The following ANXA4 variants were observed in gnomAD, a reference collection of about 807,000 sequenced individuals.
ANXA4 encodes the protein 35-beta calcimedin.
ANXA4 carries 39 observed loss-of-function variants against 49.8 expected under a neutral mutation model. The observed-to-expected ratio is 0.78, with a 90% CI of 0.61 to 1.02. ANXA4 has a LOEUF of 1.02. ANXA4 is among the 50% of genes least tolerant of loss of function. ANXA4 has a pLI of 0.00. For missense variants in ANXA4, 360 were observed against 410.1 expected, an observed-to-expected ratio of 0.88 and a Z score of 1.05; for synonymous variants, 134 against 152.5, an observed-to-expected ratio of 0.88 and a Z score of 0.89.
At chr2:69,810,876 T>C in intron 7 of ANXA4, 1 of 568,206 alleles carries the variant, frequency 1.8e-6, no homozygotes, top group Non-Finnish European at 3.2e-6. Context: ...TAATTTGATA[T>C]TTACAAGTAC....
chr2:69,659,855 T>C (rs1464793225), intron 2 of ANXA4, among the ~76,000 whole-genome samples: 1 of 152,148 alleles, frequency 6.6e-6, no homozygotes, highest in Non-Finnish European at 1.5e-5. Context: ...ACCATTGCAA[T>C]TGCTGGTGGC....
At chr2:69,767,299 G>C (rs1475109394) in intron 1 of ANXA4, among the ~76,000 whole-genome samples, 1 of 152,226 alleles carries the variant, frequency 6.6e-6, no homozygotes, top group Non-Finnish European at 1.5e-5. Context: ...AACATAACCA[G>C]ATGGGGTCAT....
intron 1 of ANXA4, among the ~76,000 whole-genome samples, chr2:69,754,465 T>A (rs944222259): frequency 6.6e-6 from 1 of 152,170 alleles, no homozygotes; most frequent in African/African-American, 2.4e-5. Context: ...TCTTGGTATG[T>A]TACCCAGACT....
chr2:69,646,692 T>A (rs1676020070), intron 1 of ANXA4, among the ~76,000 whole-genome samples: 2 of 152,186 alleles, frequency 1.3e-5, no homozygotes, highest in South Asian at 4.1e-4. Context: ...AAGTCACACA[T>A]CCCTACACTT....
intron 2 of ANXA4, among the ~76,000 whole-genome samples, chr2:69,672,349 A>G (rs1381154359): frequency 1.3e-5 from 2 of 152,122 alleles, no homozygotes; most frequent in African/African-American, 4.8e-5. Flanking sequence ...CTCCTGCCTC[A>G]GCCTCCTGGG....
At chr2:69,820,427 C>A (rs1231549722) in intron 11 of ANXA4, among the ~76,000 whole-genome samples, 1 of 151,966 alleles carries the variant, frequency 6.6e-6, no homozygotes, top group Non-Finnish European at 1.5e-5. Context: ...GTAGGTGAGC[C>A]AGGTGGCAGG....
intron 3 of ANXA4, among the ~76,000 whole-genome samples, chr2:69,797,923 T>C (rs1314332551): frequency 6.6e-6 from 1 of 152,200 alleles, no homozygotes; most frequent in East Asian, 1.9e-4. Flanking sequence ...TTTTACTAGG[T>C]GGTGCTAGTG....
intron 1 of ANXA4, among the ~76,000 whole-genome samples, chr2:69,743,925 C>T (rs1670512423): frequency 6.6e-6 from 1 of 152,236 alleles, no homozygotes; most frequent in African/African-American, 2.4e-5. Context: ...TCCCCAGGCT[C>T]ATGTCCAGTG....
intron 1 of ANXA4, among the ~76,000 whole-genome samples, chr2:69,777,135 C>T (rs990062270): frequency 2.6e-5 from 4 of 152,114 alleles, no homozygotes; most frequent in African/African-American, 9.7e-5. Context: ...GCTTCCACGG[C>T]CTCTCCAGGC....
At chr2:69,765,085 C>A (rs1573216778) in intron 1 of ANXA4, among the ~76,000 whole-genome samples, 2 of 152,254 alleles carry the variant, frequency 1.3e-5, no homozygotes, top group East Asian at 3.9e-4. Context: ...TACACACACA[C>A]ACACACACAC....
At chr2:69,738,033 G>GTATAAGTATGTCTCATGCAA (rs1559125975), upstream of ANXA4, among the ~76,000 whole-genome samples, 10 of 152,230 alleles carry the variant, frequency 6.6e-5, no homozygotes, top group South Asian at 1.2e-3. Flanking sequence ...ATAATTTTTA[G>GTATAAGTATGTCTCATGCAA]TATAAGTATG....
chr2:69,662,240 C>T (rs1441769387), intron 2 of ANXA4, among the ~76,000 whole-genome samples: 3 of 152,188 alleles, frequency 2.0e-5, no homozygotes, highest in Non-Finnish European at 2.9e-5. Context: ...CTTCACATGG[C>T]AGGCTCAGGG....
At chr2:69,811,830 G>A (rs1302448895) in intron 7 of ANXA4, among the ~76,000 whole-genome samples, 1 of 151,968 alleles carries the variant, frequency 6.6e-6, no homozygotes, top group South Asian at 2.1e-4. Context: ...ACTTAGTAAC[G>A]CCTGCCTGTG....
intron 1 of ANXA4, among the ~76,000 whole-genome samples, chr2:69,746,546 T>C (rs1670620285): frequency 6.6e-6 from 1 of 152,214 alleles, no homozygotes; most frequent in Non-Finnish European, 1.5e-5. Context: ...GTTGGTTTTA[T>C]CGGGAGTAAT....
intron 2 of ANXA4, among the ~76,000 whole-genome samples, chr2:69,669,327 A>T (rs1677068541): frequency 6.6e-6 from 1 of 151,564 alleles, no homozygotes; most frequent in Non-Finnish European, 1.5e-5. Context: ...AAGAATCATA[A>T]GGCCGGGCGC....
intron 1 of ANXA4, among the ~76,000 whole-genome samples, chr2:69,770,372 A>G (rs975889495): frequency 6.6e-6 from 1 of 152,220 alleles, no homozygotes; most frequent in Admixed American, 6.5e-5. Context: ...TCTGCAGACC[A>G]GTGGTTTAAA....
At chr2:69,758,278 G>A (rs568498208) in intron 1 of ANXA4, among the ~76,000 whole-genome samples, 2 of 152,300 alleles carry the variant, frequency 1.3e-5, no homozygotes, top group East Asian at 3.9e-4. Context: ...TTCCCAAAGC[G>A]CTGCGACTAC....
rs72906938 is a variant in ANXA4 at position 69,801,321 on chromosome 2, A to G, written c.98-3212A>G. Among the ~76,000 whole-genome samples, 856 of 151,092 alleles carry G rather than the reference A, an allele frequency of 5.7e-3. 10 individuals carry two copies. The highest frequency in any genetic ancestry group is 0.02 in the African/African-American group (811 of 41,200). ...GATTTTTCAGGCTGCTCTTTGTTAG[A>G]AAAAAAAATGATTTTGGGGGCTGCT... is the stretch of plus-strand genomic sequence containing the variant. On this transcript the variant is annotated intron_variant, in intron 3 of 12. Coordinates refer to ENST00000394295, the MANE Select transcript of ANXA4 (RefSeq NM_001153.5).
At chr2:69,714,320 C>T (rs1279628092) in intron 2 of ANXA4, among the ~76,000 whole-genome samples, 3 of 151,964 alleles carry the variant, frequency 2.0e-5, no homozygotes, top group Admixed American at 2.0e-4. Context: ...CGTACAGTTT[C>T]CGGAAGGGAG....
Sources: allele counts gnomAD v4.1 joint callset (sites outside exome capture counted in the v4.1 genomes callset), GRCh38; gene constraint gnomAD v4.1.1; transcripts MANE v1.5; gene names NCBI Gene and HGNC (gene_info 2026-07-23, HGNC 2026-07-21).